SCAF8: variants seen among roughly 807,000 people sequenced by gnomAD.
The protein encoded by SCAF8 is SR-related CTD associated factor 8, also known as SR-related and CTD-associated factor 8.
SCAF8 carries 23 observed loss-of-function variants against 140.5 expected under a neutral mutation model. That is an observed-to-expected ratio of 0.16 (90% CI 0.12 to 0.23). SCAF8 has a LOEUF of 0.23. Ranked by LOEUF, SCAF8 falls within the 10% of genes least tolerant of loss-of-function variation. SCAF8 has a pLI of 1.00. For synonymous variants in SCAF8, 575 were observed against 528.9 expected (o/e 1.09, Z -1.20); for missense variants, 1,397 against 1,555.7 (o/e 0.90, Z 1.72).
rs142879843 is a variant in SCAF8, at chr6:154,805,375, C to T, written c.870C>T (p.His290=). Residue 290 remains histidine (H), a synonymous_variant, in exon 9 of 20, where the codon CAC becomes CAT. Transcript: ENST00000367178. The stretch of plus-strand genomic sequence containing the variant: ...CACCTGTTTTTCCTTTTAGTTCTCA[C>T]GTTTCAGAATCTGTGAACAATTCCA... The part of the protein sequence containing the change: ...KKEIPASQLS[H]VSESVNNSIF... The T allele has an allele frequency of 2.4e-5, 38 of 1,596,434 alleles. No individual in the cohort carries two copies. Among genetic ancestry groups the T allele is most frequent in the Non-Finnish European group, 2.7e-5 (32 of 1,165,422 alleles).
chr6:154,789,224 T>A lies in SCAF8; in HGVS notation c.321+1202T>A, dbSNP rs543424184. On this transcript the variant is annotated intron_variant, in intron 4 of 19. Coordinates refer to ENST00000367178, the MANE Select transcript of SCAF8 (RefSeq NM_014892.5). The stretch of plus-strand genomic sequence containing the variant: ...CCCGGGTTCAAGTGATTCTCCTGCC[T>A]CAGCCTCCTGAGTAGCTGGGATTAC... Among the ~76,000 whole-genome samples, 94 of 152,178 alleles carry A rather than the reference T, an allele frequency of 6.2e-4. 5 individuals carry two copies. The South Asian group carries it at 0.017, about 27-fold the overall frequency.
At chr6:154,746,593 A>C (rs1183304246) in intron 1 of SCAF8, among the ~76,000 whole-genome samples, 1 of 152,176 alleles carries the variant, frequency 6.6e-6, no homozygotes, top group East Asian at 1.9e-4. Flanking sequence ...ATATTTACTT[A>C]TTATTTGTTC....
intron 4 of SCAF8, among the ~76,000 whole-genome samples, chr6:154,788,845 G>A (rs1357253231): frequency 6.6e-6 from 1 of 152,136 alleles, no homozygotes; most frequent in Non-Finnish European, 1.5e-5. Context: ...TTTGCTCTGA[G>A]AGGTTAGCTT....
Position 154,787,884 on chromosome 6 carries a change from T to C in SCAF8, c.183T>C (p.Pro61=). The change falls in exon 4 of 20, where the codon CCT becomes CCC. Residue 61 remains proline, a synonymous_variant. Transcript: ENST00000367178. ...AGTGTAAACCAGAATACAAAGTACC[T>C]GGACTTTATGTTATTGACTCCATTG... ...IQKCKPEYKV[P]GLYVIDSIVR... 1.9e-6 allele frequency: 3 copies of C among 1,613,550 alleles called. No homozygotes were observed. Among genetic ancestry groups the C allele is most frequent in the Non-Finnish European group, 2.5e-6 (3 of 1,179,746 alleles).
chr6:154,756,680 A>G (rs1225780191), intron 1 of SCAF8, among the ~76,000 whole-genome samples: 3 of 152,234 alleles, frequency 2.0e-5, no homozygotes, highest in Non-Finnish European at 4.4e-5. Context: ...ATTTTATACT[A>G]TAACAAATGA....
intron 3 of SCAF8, among the ~76,000 whole-genome samples, chr6:154,787,481 G>C (rs1777287173): frequency 6.6e-6 from 1 of 152,256 alleles, no homozygotes; most frequent in Non-Finnish European, 1.5e-5. Context: ...GTGTGTTCCA[G>C]ATGAAGTCTG....
intron 1 of SCAF8, among the ~76,000 whole-genome samples, chr6:154,752,910 C>T (rs1778874085): frequency 6.6e-6 from 1 of 151,950 alleles, no homozygotes; most frequent in Admixed American, 6.6e-5. Flanking sequence ...AATATTATTA[C>T]TGGTCATCAT....
intron 1 of SCAF8, among the ~76,000 whole-genome samples, chr6:154,766,660 C>A (rs78877504): frequency 1.2e-4 from 10 of 80,760 alleles, no homozygotes; most frequent in African/African-American, 7.4e-4. Flanking sequence ...TCCAGCAGCA[C>A]CCCCCCCCCT....
intron 3 of SCAF8, among the ~76,000 whole-genome samples, chr6:154,778,769 A>ATGTGTGTGTGTGTGTG (rs71021079): frequency 7.0e-6 from 1 of 142,058 alleles, no homozygotes; most frequent in Non-Finnish European, 1.5e-5. Flanking sequence ...GTCTCAAAAA[A>ATGTGTGTGTGTGTGTG]TGTGTGTGTG....
intron 3 of SCAF8, among the ~76,000 whole-genome samples, chr6:154,782,973 A>G (rs188695951): frequency 5.2e-4 from 79 of 152,270 alleles, no homozygotes; most frequent in Admixed American, 2.1e-3. Context: ...ATGTCCTTCA[A>G]TCCAGTCAAG....
At chr6:154,827,864 T>A (rs1778615633) in intron 18 of SCAF8, among the ~76,000 whole-genome samples, 1 of 152,020 alleles carries the variant, frequency 6.6e-6, no homozygotes, top group Non-Finnish European at 1.5e-5. Context: ...AACTTTATTT[T>A]TTAGAGCAGT....
intron 1 of SCAF8, among the ~76,000 whole-genome samples, chr6:154,753,479 TAAAAA>T (rs957668313): frequency 1.5e-5 from 2 of 133,810 alleles, no homozygotes; most frequent in Non-Finnish European, 3.2e-5. Flanking sequence ...AAAAATAAAT[TAAAAA>T]AAAAATTAGC....
chr6:154,830,571 C>CGTAT (rs1201518044), intron 18 of SCAF8, among the ~76,000 whole-genome samples: 2 of 152,212 alleles, frequency 1.3e-5, no homozygotes, highest in Non-Finnish European at 2.9e-5. Context: ...CATACTCATA[C>CGTAT]ATTTCAGTCT....
intron 5 of SCAF8, 88 bp downstream of exon 5, chr6:154,793,064 C>G (rs924043281): frequency 9.4e-7 from 1 of 1,066,216 alleles, no homozygotes; most frequent in African/African-American, 1.6e-5. Flanking sequence ...TTCGACAGTG[C>G]AGGAAAATTT....
intron 6 of SCAF8, among the ~76,000 whole-genome samples, chr6:154,798,402 G>A (rs967886119): frequency 6.6e-6 from 1 of 151,346 alleles, no homozygotes; most frequent in Non-Finnish European, 1.5e-5. Context: ...TGAATTCTGA[G>A]TCTTTCAAAC....
At chr6:154,784,747 G>A (rs1245777544) in intron 3 of SCAF8, among the ~76,000 whole-genome samples, 7 of 152,126 alleles carry the variant, frequency 4.6e-5, no homozygotes, top group Non-Finnish European at 1.0e-4. Context: ...GAGCATCCTC[G>A]GATTTTGGTA....
chr6:154,762,924 A>AT (rs1408208280), intron 1 of SCAF8, among the ~76,000 whole-genome samples: 1 of 152,010 alleles, frequency 6.6e-6, no homozygotes, highest in African/African-American at 2.4e-5. Flanking sequence ...TTATTTATTG[A>AT]TTTTTTGCAG....
intron 5 of SCAF8, among the ~76,000 whole-genome samples, chr6:154,793,934 T>A (rs1022657374): frequency 3.1e-5 from 4 of 127,326 alleles, no homozygotes; most frequent in African/African-American, 1.3e-4. Flanking sequence ...AAAATTGATG[T>A]ACTGTTTTTT....
chr6:154,811,053 C>G (rs566746947), intron 12 of SCAF8, among the ~76,000 whole-genome samples: 1 of 152,274 alleles, frequency 6.6e-6, no homozygotes, highest in Admixed American at 6.5e-5. Context: ...CATCTTCTTA[C>G]TAAGTTTTGG....
Sources: gnomAD v4.1 joint callset for allele counts (sites outside exome capture counted in the v4.1 genomes callset) on GRCh38, gnomAD v4.1.1 for gene constraint, MANE v1.5 for transcripts, NCBI Gene and HGNC (gene_info 2026-07-23, HGNC 2026-07-21) for gene names.